The following MPP7 variants were observed in gnomAD, a reference collection of about 807,000 sequenced individuals.
The protein encoded by MPP7 is MAGUK p55 scaffold protein 7.
Under a neutral mutation model 76.5 loss-of-function variants are expected in MPP7, and 60 were observed. The ratio of observed to expected loss-of-function variants is 0.78; its 90% CI spans 0.64 to 0.97. MPP7 has a LOEUF of 0.97. MPP7 is among the 50% of genes least tolerant of loss of function. The pLI, the probability that MPP7 is intolerant of heterozygous loss-of-function variation, is 0.00. For missense variants in MPP7, 641 were observed against 694.0 expected (o/e 0.92, Z 0.86); for synonymous variants, 237 against 244.5 (o/e 0.97, Z 0.29).
chr10:28,071,683 T>C (rs1852247369), intron 12 of MPP7, among the ~76,000 whole-genome samples: 1 of 152,170 alleles, frequency 6.6e-6, no homozygotes, highest in African/African-American at 2.4e-5. Flanking sequence ...AATATGTATT[T>C]CAATATGTAA....
intron 12 of MPP7, among the ~76,000 whole-genome samples, chr10:28,074,495 G>A (rs563287582): frequency 1.3e-5 from 2 of 152,004 alleles, no homozygotes; most frequent in Non-Finnish European, 2.9e-5. Flanking sequence ...GCAGGGTTTC[G>A]CAATGTTGGC....
intron 2 of MPP7, among the ~76,000 whole-genome samples, chr10:28,222,199 TAAA>T (rs561035603): frequency 4.9e-5 from 7 of 142,522 alleles, no homozygotes; most frequent in African/African-American, 1.5e-4. Flanking sequence ...GTACTACGAT[TAAA>T]AAAAAAAAAA....
chr10:28,331,692 A>C (rs1358521421), intron 1 of MPP7, among the ~76,000 whole-genome samples: 1 of 152,032 alleles, frequency 6.6e-6, no homozygotes, highest in Non-Finnish European at 1.5e-5. Context: ...CTTGTGCTTC[A>C]GTTTCCTGAG....
At position 28,175,291 on chromosome 10, in the gene MPP7, A is replaced by G. The variant is rs547362926; in HGVS notation, c.157-25232T>C. Among the ~76,000 whole-genome samples, 30 of 149,588 alleles carry G rather than the reference A, an allele frequency of 2.0e-4. No homozygotes were observed. The South Asian group carries it at 5.9e-3, about 29-fold the overall frequency. On this transcript the variant is annotated intron_variant, in intron 3 of 16. Transcript: ENST00000683449. ...GGTAACAGAGTGAGATGTCGTCTCA[A>G]AAAAAAAAAGGAAAAAAAGAAACTT...
At chr10:28,251,417 G>A (rs995150029) in intron 1 of MPP7, among the ~76,000 whole-genome samples, 1 of 151,818 alleles carries the variant, frequency 6.6e-6, no homozygotes, top group Non-Finnish European at 1.5e-5. Flanking sequence ...AGCCGAGATC[G>A]CACCATTGCA....
chr10:28,079,678 C>T (rs922591014), intron 12 of MPP7, among the ~76,000 whole-genome samples: 4 of 152,116 alleles, frequency 2.6e-5, no homozygotes, highest in African/African-American at 9.7e-5. Flanking sequence ...TGGTCTCAGG[C>T]GTTGTGTTTT....
At chr10:28,293,768 G>A (rs11006992) in intron 1 of MPP7, among the ~76,000 whole-genome samples, 5 of 152,076 alleles carry the variant, frequency 3.3e-5, no homozygotes, top group Non-Finnish European at 7.4e-5. Flanking sequence ...CCTAGCGACC[G>A]AGTAGCAAAA....
rs527424528 is a variant in MPP7, at chr10:28,231,714, C to T, written c.37+6854G>A. On this transcript the variant is annotated intron_variant, in intron 2 of 16. Transcript: ENST00000683449. Reference sequence around the variant, plus strand: ...ACAGAAAGCTAGAATATTCTTTTAACCTTTAAAATAAATGAATTAGTTACC... The same window carrying T: ...ACAGAAAGCTAGAATATTCTTTTAATCTTTAAAATAAATGAATTAGTTACC... 5.3e-5 allele frequency among the ~76,000 whole-genome samples: 8 copies of T among 152,226 alleles called. No homozygotes were observed. In the East Asian group the frequency reaches 1.4e-3, roughly 26 times the overall value.
At chr10:28,132,273 C>T (rs761717980) in intron 5 of MPP7, among the ~76,000 whole-genome samples, 18 of 152,128 alleles carry the variant, frequency 1.2e-4, no homozygotes, top group Admixed American at 6.5e-5. Flanking sequence ...AACACCAGAA[C>T]TTTGACATGT....
chr10:28,132,198 TTGTG>T (rs1222867318), intron 5 of MPP7, among the ~76,000 whole-genome samples: 3 of 152,178 alleles, frequency 2.0e-5, no homozygotes, highest in South Asian at 2.1e-4. Flanking sequence ...CTCACTTTAA[TTGTG>T]TGTGTAATTG....
chr10:28,082,352 T>C (rs1852801639), intron 12 of MPP7, among the ~76,000 whole-genome samples: 1 of 152,200 alleles, frequency 6.6e-6, no homozygotes, highest in Non-Finnish European at 1.5e-5. Flanking sequence ...TTATTATGTT[T>C]AGTTAATATG....
At chr10:28,238,372 A>C (rs1274003816) in intron 2 of MPP7, among the ~76,000 whole-genome samples, 196 bp downstream of exon 2, 1 of 152,226 alleles carries the variant, frequency 6.6e-6, no homozygotes, top group Non-Finnish European at 1.5e-5. Flanking sequence ...CACTACCCAG[A>C]GAAAGAGGCA....
At chr10:28,073,600 T>C (rs1474037491) in intron 12 of MPP7, among the ~76,000 whole-genome samples, 1 of 151,984 alleles carries the variant, frequency 6.6e-6, no homozygotes, top group African/African-American at 2.4e-5. Context: ...CAAAACCCTG[T>C]CTCTATTAAA....
chr10:28,148,260 A>G (rs976168194), intron 4 of MPP7, among the ~76,000 whole-genome samples: 2 of 152,192 alleles, frequency 1.3e-5, no homozygotes, highest in Non-Finnish European at 2.9e-5. Flanking sequence ...AGGTGTTACA[A>G]CTTCAAACCT....
rs146625211 is a variant in MPP7, at chr10:28,155,317, C to A, written c.157-5258G>T. 4.2e-3 allele frequency among the ~76,000 whole-genome samples: 641 copies of A among 152,156 alleles called. 3 individuals carry two copies. The highest frequency in any genetic ancestry group is 7.5e-3 in the Non-Finnish European group (511 of 68,000). ...ATAAATAGCCATTAAAGGCCAAGTGCGGTGGCTCACACCGGTAAGCCCAGC... is the reference window on the plus strand; with the variant it reads ...ATAAATAGCCATTAAAGGCCAAGTGAGGTGGCTCACACCGGTAAGCCCAGC... On this transcript the variant is annotated intron_variant, in intron 3 of 16. Transcript: ENST00000683449.
chr10:28,054,811 G>T (rs766350122), intron 16 of MPP7, among the ~76,000 whole-genome samples: 2 of 152,094 alleles, frequency 1.3e-5, no homozygotes, highest in African/African-American at 2.4e-5. Context: ...CGAGTAGCTG[G>T]AATTACAGGA....
At chr10:28,163,387 C>T (rs1836331021) in intron 3 of MPP7, among the ~76,000 whole-genome samples, 1 of 152,168 alleles carries the variant, frequency 6.6e-6, no homozygotes, top group Non-Finnish European at 1.5e-5. Flanking sequence ...GTGATCCCAT[C>T]TTACTATCTT....
intron 3 of MPP7, among the ~76,000 whole-genome samples, chr10:28,188,050 CCT>C (rs1432613625): frequency 2.0e-5 from 3 of 152,130 alleles, no homozygotes; most frequent in African/African-American, 7.2e-5. Context: ...GCTCTATGAG[CCT>C]CTGTTCAGGA....
intron 2 of MPP7, among the ~76,000 whole-genome samples, chr10:28,227,891 G>A (rs907731149): frequency 2.0e-4 from 30 of 152,090 alleles, no homozygotes; most frequent in Admixed American, 1.7e-3. Flanking sequence ...TTGAGAAATC[G>A]CCACACTGTC....
Sources: gnomAD v4.1 joint callset for allele counts (sites outside exome capture counted in the v4.1 genomes callset) on GRCh38, gnomAD v4.1.1 for gene constraint, MANE v1.5 for transcripts, NCBI Gene and HGNC (gene_info 2026-07-23, HGNC 2026-07-21) for gene names.